Variants in EIF4E1B observed in about 807,000 individuals in gnomAD.
The protein encoded by EIF4E1B is eukaryotic translation initiation factor 4E type 1B.
In EIF4E1B, 22 loss-of-function variants were observed where a neutral mutation model predicts 31.3. The observed-to-expected ratio is 0.70, with a 90% confidence interval of 0.50 to 1.00. EIF4E1B has a LOEUF of 1.00. EIF4E1B is among the 50% of genes least tolerant of loss of function. The pLI, the probability that EIF4E1B is intolerant of heterozygous loss-of-function variation, is 0.00. For synonymous variants in EIF4E1B, 126 were observed against 120.2 expected, an observed-to-expected ratio of 1.05 and a Z score of -0.31; for missense variants, 290 against 311.6, an observed-to-expected ratio of 0.93 and a Z score of 0.52.
At chr5:176,641,165 C>A (rs1168606645) in intron 1 of EIF4E1B, among the ~76,000 whole-genome samples, 1 of 151,912 alleles carries the variant, frequency 6.6e-6, no homozygotes, top group African/African-American at 2.4e-5. Flanking sequence ...CAAAATAAAA[C>A]AAAACAAAAC....
Position 176,645,197 on chromosome 5 carries a change from C to G in EIF4E1B, c.428C>G (p.Ala143Gly). 6.3e-7 allele frequency: 1 copy of G among 1,586,534 alleles called. No individual in the cohort carries two copies. The highest frequency in any genetic ancestry group is 8.6e-7 in the Non-Finnish European group (1 of 1,166,842). ...KRGGRWLVSLAKQQRHIELDR... is the reference protein window; with the variant it reads ...KRGGRWLVSLGKQQRHIELDR... ...GGTGGCCGCTGGCTGGTCAGCCTGG[C>G]CAAGCAGCAGCGCCACATTGAGCTG... The change falls in exon 7 of 9, where the codon GCC (alanine) becomes GGC (glycine). Residue 143 changes from alanine (A) to glycine (G), a missense_variant. Transcript: ENST00000318682. The surrounding 1 kb of genome is among the most constrained non-coding windows in gnomAD (Gnocchi z 5.4).
intron 3 of EIF4E1B, 68 bp downstream of exon 3, chr5:176,642,870 C>CCCCCCCCCCCCCGG: frequency 1.4e-6 from 2 of 1,426,046 alleles, no homozygotes; most frequent in Non-Finnish European, 9.5e-7. Flanking sequence ...CCCCCCGCCC[C>CCCCCCCCCCCCCGG]AGGTGGGCGG....
At chr5:176,632,815 C>T (rs1760428483) in intron 1 of EIF4E1B, among the ~76,000 whole-genome samples, 1 of 152,232 alleles carries the variant, frequency 6.6e-6, no homozygotes, top group Admixed American at 6.5e-5. Context: ...TGAGGCAGAA[C>T]CCACCTTCCC....
In EIF4E1B at chr5:176,634,027, T is replaced by G. The variant is rs145593964; in HGVS notation, c.-202+2963T>G. 8.1e-3 allele frequency among the ~76,000 whole-genome samples: 1,232 copies of G among 152,162 alleles called. 14 individuals are homozygous for G. The highest frequency in any genetic ancestry group is 0.024 in the African/African-American group (999 of 41,506). ...GACGTGAACATCACTTGGGAGTAAC[T>G]TATTAGGTGTTATGGGAGACGGAGA... is the stretch of plus-strand genomic sequence containing the variant. On this transcript the variant is annotated intron_variant, in intron 1 of 8. Transcript: ENST00000318682.
rs909354626 is a variant in EIF4E1B, at chr5:176,645,070, G to A, written c.361-60G>A. The A allele has an allele frequency of 1.5e-5, 21 of 1,447,906 alleles. No homozygotes were observed. The highest frequency in any genetic ancestry group is 2.0e-5 in the Non-Finnish European group (21 of 1,061,090). 89.7% of individuals were successfully genotyped at this position (1,447,906 alleles called of 1,614,324 possible). A position where few individuals can be genotyped will look rare whatever the true frequency, so the allele number is the denominator to read the frequency against. On this transcript the variant is annotated intron_variant, in intron 6 of 8. Coordinates refer to ENST00000318682, the MANE Select transcript of EIF4E1B (RefSeq NM_001099408.2). The surrounding 1 kb of genome is among the most constrained non-coding windows in gnomAD (Gnocchi z 5.4). ...GAGAGCGGATAAGGCCGGGATGGTG[G>A]GTGGGTCCCCATTTCCCTTTGAACA...
Position 176,642,722 on chromosome 5 carries a change from A to T in EIF4E1B, c.-66A>T, listed in dbSNP as rs1239849420. On this transcript the variant is annotated 5_prime_UTR_variant, in exon 3 of 9. It removes an upstream start codon present in the reference 5' UTR. Coordinates refer to ENST00000318682, the MANE Select transcript of EIF4E1B (RefSeq NM_001099408.2). ...CGCTTACCTTCAGGTCTTGGCCCCC[A>T]TGGTGTGGGGCTTGGTCACAGCTGC... 7.7e-6 allele frequency: 12 copies of T among 1,549,776 alleles called. No homozygotes were observed. The highest frequency in any genetic ancestry group is 1.4e-5 in the African/African-American group (1 of 72,862).
chr5:176,637,153 T>G (rs889688031), intron 1 of EIF4E1B, among the ~76,000 whole-genome samples: 27 of 152,262 alleles, frequency 1.8e-4, no homozygotes, highest in African/African-American at 6.5e-4. Flanking sequence ...AGAGAGGCCT[T>G]GGGGGCTGGG....
At chr5:176,639,016 C>T (rs1760537081) in intron 1 of EIF4E1B, among the ~76,000 whole-genome samples, 1 of 152,154 alleles carries the variant, frequency 6.6e-6, no homozygotes, top group Non-Finnish European at 1.5e-5. Context: ...GGCCAGGCTA[C>T]TCTCGAACTC....
rs1760526166 is a variant in EIF4E1B at position 176,638,221 on chromosome 5, G to A, written c.-201-3822G>A. On this transcript the variant is annotated intron_variant, in intron 1 of 8. Coordinates refer to ENST00000318682, the MANE Select transcript of EIF4E1B (RefSeq NM_001099408.2). The surrounding 1 kb of genome is among the most constrained non-coding windows in gnomAD (Gnocchi z 4.3). ...TATGCTCTTCTGGATTTCTGGTGGC[G>A]GCTAAGCATGTCACTCTCTAAATGA... 1.3e-5 allele frequency among the ~76,000 whole-genome samples: 2 copies of A among 152,178 alleles called. No homozygotes were observed. Among genetic ancestry groups the A allele is most frequent in the Non-Finnish European group, 2.9e-5 (2 of 68,024 alleles).
rs867547568 is a variant in EIF4E1B, at chr5:176,646,266, T to G, written c.*286T>G. 7.6e-5 allele frequency: 28 copies of G among 369,408 alleles called. No individual in the cohort carries two copies. Among genetic ancestry groups the G allele is most frequent in the African/African-American group, 5.2e-4 (26 of 49,780 alleles). The allele number at this position is 369,408 out of a possible 1,614,324, so 22.9% of individuals were successfully genotyped here. On this transcript the variant is annotated 3_prime_UTR_variant, in exon 9 of 9. Transcript: ENST00000318682. ...GTCATGGCGGGGAAGGAGGGCTCTA[T>G]GGTAGGCGGAGAAACCCATAGTCCA...
Position 176,632,660 on chromosome 5 carries a change from T to C in EIF4E1B, c.-202+1596T>C, listed in dbSNP as rs1409121309. Among the ~76,000 whole-genome samples the C allele has an allele frequency of 2.6e-5, 4 of 152,370 alleles. 1 individual carries two copies. In the East Asian group the frequency reaches 7.7e-4, roughly 29 times the overall value. On this transcript the variant is annotated intron_variant, in intron 1 of 8. Transcript: ENST00000318682. Reference sequence around the variant, plus strand: ...AAGTTTCACATTCCATTGCCTTCCTTACTGGTGCTGTTTGATTATTTTCCC... The same window carrying C: ...AAGTTTCACATTCCATTGCCTTCCTCACTGGTGCTGTTTGATTATTTTCCC...
At chr5:176,644,663 G>A (rs916276737) in intron 6 of EIF4E1B, 2 of 549,188 alleles carry the variant, frequency 3.6e-6, no homozygotes, top group African/African-American at 3.8e-5. Context: ...AAGAGGGAGA[G>A]GGAGAGATTT....
chr5:176,632,232 T>G (rs528908796), intron 1 of EIF4E1B, among the ~76,000 whole-genome samples: 25 of 152,328 alleles, frequency 1.6e-4, no homozygotes, highest in Admixed American at 6.5e-4. Context: ...ATACACATAT[T>G]TATGGCTAGA....
chr5:176,639,329 G>A (rs1377719808), intron 1 of EIF4E1B, among the ~76,000 whole-genome samples: 1 of 152,190 alleles, frequency 6.6e-6, no homozygotes, highest in Non-Finnish European at 1.5e-5. Flanking sequence ...TGGGATTTAA[G>A]AGCCCCTGCT....
At chr5:176,639,819 C>T (rs552552509) in intron 1 of EIF4E1B, among the ~76,000 whole-genome samples, 1 of 151,876 alleles carries the variant, frequency 6.6e-6, no homozygotes, top group East Asian at 1.9e-4. Flanking sequence ...CCCAGTTTCT[C>T]GGGAGGCTGA....
chr5:176,641,839 T>G (rs1209952831), intron 1 of EIF4E1B: 1 of 152,518 alleles, frequency 6.6e-6, no homozygotes, highest in African/African-American at 2.4e-5. Context: ...AAAGGGGTTG[T>G]TCAGAAGGCC....
chr5:176,633,025 GCAGTGACACT>G (rs1760432336), intron 1 of EIF4E1B, among the ~76,000 whole-genome samples: 1 of 152,196 alleles, frequency 6.6e-6, no homozygotes, highest in Admixed American at 6.5e-5. Flanking sequence ...ACCATTGGCA[GCAGTGACACT>G]CACTGTGGGA....
intron 5 of EIF4E1B, 164 bp downstream of exon 5, chr5:176,643,898 C>G (rs1198839867): frequency 2.9e-6 from 2 of 679,228 alleles, no homozygotes; most frequent in Non-Finnish European, 4.9e-6. Flanking sequence ...CCCCACCCCA[C>G]CACCTTCTTT....
At chr5:176,634,669 TTTTC>T (rs1382536453) in intron 1 of EIF4E1B, among the ~76,000 whole-genome samples, 2 of 138,524 alleles carry the variant, frequency 1.4e-5, no homozygotes, top group African/African-American at 5.2e-5. Context: ...GTTTTTTTTT[TTTTC>T]TTTTTTTTTT....
Sources: allele counts gnomAD v4.1 joint callset (sites outside exome capture counted in the v4.1 genomes callset), GRCh38; gene constraint gnomAD v4.1.1; non-coding constraint Gnocchi (gnomAD v3.1); transcripts MANE v1.5; gene names NCBI Gene and HGNC (gene_info 2026-07-23, HGNC 2026-07-21).